The following FBXO41 variants were observed in gnomAD, a reference collection of about 807,000 sequenced individuals.
The protein encoded by FBXO41 is F-box only protein 41.
In FBXO41, 33 loss-of-function variants were observed where a neutral mutation model predicts 81.6. That is an observed-to-expected ratio of 0.40 (90% CI 0.31 to 0.54). FBXO41 has a LOEUF of 0.54. Ranked by LOEUF, FBXO41 falls within the 20% of genes least tolerant of loss-of-function variation. The probability of loss-of-function intolerance (pLI) is 0.39; values close to 1 mark genes in which losing one functional copy is unlikely to be tolerated. For synonymous variants in FBXO41, 576 were observed against 552.7 expected (o/e 1.04, Z -0.59); for missense variants, 1,107 against 1,236.0 (o/e 0.90, Z 1.56).
chr2:73,256,029 T>TA lies in FBXO41; in HGVS notation c.*2952dup, dbSNP rs1193949288. On this transcript the variant is annotated 3_prime_UTR_variant, in exon 13 of 13. Coordinates refer to ENST00000520530, the MANE Select transcript of FBXO41 (RefSeq NM_001371389.2). ...CGGTGCTGTGGGGAAGCAGCCTGAATAAAGCATGAAGTACTTAAGCCAAGT... is the reference window on the plus strand; with the variant it reads ...CGGTGCTGTGGGGAAGCAGCCTGAATAAAAGCATGAAGTACTTAAGCCAAGT... 1 of 152,086 alleles carries TA rather than the reference T, an allele frequency of 6.6e-6. No individual in the cohort carries two copies. Among genetic ancestry groups the TA allele is most frequent in the Non-Finnish European group, 1.5e-5 (1 of 68,034 alleles). 9.4% of individuals were successfully genotyped at this position (152,086 alleles called of 1,614,324 possible). A position where few individuals can be genotyped will look rare whatever the true frequency, so the allele number is the denominator to read the frequency against.
At chr2:73,280,913 T>C (rs1688828339) in intron 1 of FBXO41, among the ~76,000 whole-genome samples, 1 of 152,252 alleles carries the variant, frequency 6.6e-6, no homozygotes, top group African/African-American at 2.4e-5. Flanking sequence ...TGACTTCATG[T>C]AACCAAAGCA....
At chr2:73,282,759 A>C (rs1200673326) in intron 1 of FBXO41, among the ~76,000 whole-genome samples, 1 of 149,778 alleles carries the variant, frequency 6.7e-6, no homozygotes, top group Non-Finnish European at 1.5e-5. Flanking sequence ...GCATTCCTAA[A>C]TCTAGAAACA....
rs1412051012 is a variant in FBXO41, at chr2:73,266,189, TG to T, written c.1132-224del. ...ACACAATACCCTGGACCCCAGCTTG[TG>T]GCTCCTGGACTCTCATTTGCAGGGA... On this transcript the variant is annotated intron_variant, in intron 3 of 12. Coordinates refer to ENST00000520530, the MANE Select transcript of FBXO41 (RefSeq NM_001371389.2). This position sits in a 1 kb window ranked among gnomAD's most constrained non-coding sequence, Gnocchi z 5.3. 6.6e-6 allele frequency among the ~76,000 whole-genome samples: 1 copy of T among 152,132 alleles called. No individual in the cohort carries two copies. The highest frequency in any genetic ancestry group is 1.5e-5 in the Non-Finnish European group (1 of 68,010).
In FBXO41 at chr2:73,259,401, G is replaced by A. The variant is rs1027834249; in HGVS notation, c.2450-105C>T. Reference sequence around the variant, plus strand: ...ATCAGACAATCAGGTGCCAGCTACCGGGAACACGACAGAGGAGAGCAGACT... The same window carrying A: ...ATCAGACAATCAGGTGCCAGCTACCAGGAACACGACAGAGGAGAGCAGACT... On this transcript the variant is annotated intron_variant, in intron 11 of 12. Transcript: ENST00000520530. This position sits in a 1 kb window ranked among gnomAD's most constrained non-coding sequence, Gnocchi z 4.2. 28 of 970,056 alleles carry A rather than the reference G, an allele frequency of 2.9e-5. No homozygotes were observed. Among genetic ancestry groups the A allele is most frequent in the Middle Eastern group, 2.2e-4 (1 of 4,520 alleles). The allele number at this position is 970,056 out of a possible 1,614,324, so 60.1% of individuals were successfully genotyped here. A position where few individuals can be genotyped will look rare whatever the true frequency, so the allele number is the denominator to read the frequency against.
chr2:73,260,452 C>T lies in FBXO41; in HGVS notation c.2386G>A (p.Gly796Arg), dbSNP rs1483594098. ...AAEVCREGLK[G>R]LEMLVLTATP... ...GCCGTGAGCACCAGCATCTCCAGTC[C>T]CTTCAGGCCTTCCCGGCAGACCTCT... The change falls in exon 11 of 13, where the codon GGA (glycine) becomes AGA (arginine). Residue 796 changes from glycine to arginine, a missense_variant. By Grantham distance (125) the Gly-to-Arg change is moderately radical (BLOSUM62 -2). This residue lies in a region of FBXO41 where 336 missense variants were observed against 446.7 expected (regional missense o/e 0.75). Coordinates refer to ENST00000520530, the MANE Select transcript of FBXO41 (RefSeq NM_001371389.2). The surrounding 1 kb of genome is among the most constrained non-coding windows in gnomAD (Gnocchi z 5.0). 1.2e-6 allele frequency: 2 copies of T among 1,608,350 alleles called. No homozygotes were observed. The highest frequency in any genetic ancestry group is 1.7e-6 in the Non-Finnish European group (2 of 1,177,544).
chr2:73,279,682 G>A (rs1199224223), intron 1 of FBXO41, among the ~76,000 whole-genome samples: 1 of 152,168 alleles, frequency 6.6e-6, no homozygotes, highest in Non-Finnish European at 1.5e-5. Context: ...TGTGGGCTGA[G>A]GAGTGAGTGA....
chr2:73,263,824 G>A lies in FBXO41; in HGVS notation c.1929C>T (p.Cys643=). Residue 643 remains cysteine, a synonymous_variant, in exon 8 of 13, where the codon TGC becomes TGT. Transcript: ENST00000520530. ...KEEYARSTRG[C]LEAGLESLLK... ...GCAGGGACTCCAGCCCAGCTTCCAG[G>A]CAGCCCCTGGGGATGACCAAGAGGT... is the stretch of plus-strand genomic sequence containing the variant. 1 of 1,614,012 alleles carries A rather than the reference G, an allele frequency of 6.2e-7. No individual in the cohort carries two copies. Among genetic ancestry groups the A allele is most frequent in the Non-Finnish European group, 8.5e-7 (1 of 1,179,892 alleles).
chr2:73,255,283 GGA>G lies in FBXO41; in HGVS notation c.*3697_*3698del, dbSNP rs1037173094. 2.0e-5 allele frequency: 3 copies of G among 152,714 alleles called. No individual in the cohort carries two copies. Among genetic ancestry groups the G allele is most frequent in the African/African-American group, 7.2e-5 (3 of 41,478 alleles). The allele number at this position is 152,714 out of a possible 1,614,324, so 9.5% of individuals were successfully genotyped here. ...GCTGAGGTCCCAAGGGTTTGGGGAG[GGA>G]GTCGTTGCCTTAGCTGGCCCTGGTA... is the stretch of plus-strand genomic sequence containing the variant. On this transcript the variant is annotated 3_prime_UTR_variant, in exon 13 of 13. Transcript: ENST00000520530.
intron 1 of FBXO41, among the ~76,000 whole-genome samples, chr2:73,276,979 T>C (rs1181040293): frequency 6.6e-6 from 1 of 152,222 alleles, no homozygotes; most frequent in Non-Finnish European, 1.5e-5. Context: ...GTGCTGGTCC[T>C]TCCTGTGGGG....
Position 73,260,750 on chromosome 2 carries a change from C to T in FBXO41, c.2280G>A (p.Leu760=). The T allele has an allele frequency of 2.6e-6, 4 of 1,549,760 alleles. No homozygotes were observed. The highest frequency in any genetic ancestry group is 3.5e-6 in the Non-Finnish European group (4 of 1,145,182). ...CAAGGAAAGACTCACCGAGTGATGC[C>T]AGGCCCTGCACCCCACAGCCGGCAC... ...VGGAGCGVQG[L]ASLARNCMRL... is the part of the protein sequence containing the mutation. Residue 760 remains leucine (L), a synonymous_variant, in exon 10 of 13, where the codon CTG becomes CTA. Coordinates refer to ENST00000520530, the MANE Select transcript of FBXO41 (RefSeq NM_001371389.2). The surrounding 1 kb of genome is among the most constrained non-coding windows in gnomAD (Gnocchi z 5.0).
intron 5 of FBXO41, among the ~76,000 whole-genome samples, chr2:73,265,020 C>G (rs1432546214): frequency 1.3e-5 from 2 of 152,176 alleles, no homozygotes; most frequent in African/African-American, 4.8e-5. Flanking sequence ...AGGCAACACT[C>G]AACTGTTCTC....
In FBXO41 at chr2:73,255,503, A is replaced by C. The variant is rs1323270423; in HGVS notation, c.*3479T>G. On this transcript the variant is annotated 3_prime_UTR_variant, in exon 13 of 13. Coordinates refer to ENST00000520530, the MANE Select transcript of FBXO41 (RefSeq NM_001371389.2). The stretch of plus-strand genomic sequence containing the variant: ...CAGGCCCCCAGGGGAAGGAAGTTAC[A>C]CTCATCAGGGACTGACAGGCTGGGA... The C allele has an allele frequency of 6.6e-6, 1 of 152,648 alleles. No homozygotes were observed. Among genetic ancestry groups the C allele is most frequent in the Admixed American group, 6.5e-5 (1 of 15,274 alleles). 9.5% of individuals were successfully genotyped at this position (152,648 alleles called of 1,614,324 possible).
At chr2:73,283,095 T>C (rs900234185) in intron 1 of FBXO41, among the ~76,000 whole-genome samples, 1 of 152,220 alleles carries the variant, frequency 6.6e-6, no homozygotes, top group East Asian at 1.9e-4. Flanking sequence ...TCGGTACTTT[T>C]AGGAGGCATC....
In FBXO41 at chr2:73,265,616, T is replaced by C. The variant is rs774494443; in HGVS notation, c.1230A>G (p.Ala410=). The C allele has an allele frequency of 2.6e-6, 4 of 1,521,176 alleles. No homozygotes were observed. Among genetic ancestry groups the C allele is most frequent in the Non-Finnish European group, 3.5e-6 (4 of 1,135,892 alleles). The allele number at this position is 1,521,176 out of a possible 1,614,324, so 94.2% of individuals were successfully genotyped here. ...TGTCATAGCAGCCTGAGCTCTGGGATGCGGCTGGCACACGGCTGGAGGCCC... is the reference window on the plus strand; with the variant it reads ...TGTCATAGCAGCCTGAGCTCTGGGACGCGGCTGGCACACGGCTGGAGGCCC... ...STGASSRVPA[A]SQSSGCYDSD... The change falls in exon 5 of 13, where the codon GCA becomes GCG. Residue 410 remains alanine (A), a synonymous_variant. Transcript: ENST00000520530.
rs532715437 is a variant in FBXO41 at position 73,271,238 on chromosome 2, C to G, written c.-138-1470G>C. The G allele has an allele frequency of 2.7e-5, 8 of 291,578 alleles. No homozygotes were observed. In the East Asian group the frequency reaches 7.4e-4, roughly 27 times the overall value. The allele number at this position is 291,578 out of a possible 1,614,324, so 18.1% of individuals were successfully genotyped here. On this transcript the variant is annotated intron_variant, in intron 1 of 12. Coordinates refer to ENST00000520530, the MANE Select transcript of FBXO41 (RefSeq NM_001371389.2). ...GTGGATGTCTGTTCCTTTTGCCAGC[C>G]CAGCATCCAGTCCTCCTCCTGGTAA...
rs149687794 is a variant in FBXO41 at position 73,270,828 on chromosome 2, TC to T, written c.-138-1061del. 7 of 534,422 alleles carry T rather than the reference TC, an allele frequency of 1.3e-5. No individual in the cohort carries two copies. In the East Asian group the frequency reaches 3.8e-4, roughly 29 times the overall value. The allele number at this position is 534,422 out of a possible 1,614,324, so 33.1% of individuals were successfully genotyped here. A position where few individuals can be genotyped will look rare whatever the true frequency, so the allele number is the denominator to read the frequency against. On this transcript the variant is annotated intron_variant, in intron 1 of 12. Transcript: ENST00000520530. ...GTCTCCATCCCATTCCTCACTGCCA[TC>T]CTCTTCCTAACTGCCTGCAATAGGG...
chr2:73,265,980 G>T lies in FBXO41; in HGVS notation c.1132-14C>A. 6.4e-7 allele frequency: 1 copy of T among 1,564,338 alleles called. No individual in the cohort carries two copies. The highest frequency in any genetic ancestry group is 8.7e-7 in the Non-Finnish European group (1 of 1,153,130). ...GTGGTGTTCTCGCTGTGGGCCCCCA[G>T]AGCAGGAGGTAAAGGAGAGGGGCGG... is the stretch of plus-strand genomic sequence containing the variant. On this transcript the variant is annotated splice_polypyrimidine_tract_variant and intron_variant, in intron 3 of 12. Transcript: ENST00000520530.
At chr2:73,261,477 ACT>A (rs1334679994) in intron 9 of FBXO41, among the ~76,000 whole-genome samples, 1 of 151,768 alleles carries the variant, frequency 6.6e-6, no homozygotes, top group Non-Finnish European at 1.5e-5. Context: ...ACATCCACTC[ACT>A]CTGCCATTCA....
In FBXO41 at chr2:73,266,806, C is replaced by T; in HGVS notation, c.906-124G>A. 1 of 1,388,432 alleles carries T rather than the reference C, an allele frequency of 7.2e-7. No individual in the cohort carries two copies. Among genetic ancestry groups the T allele is most frequent in the Non-Finnish European group, 9.3e-7 (1 of 1,073,268 alleles). 86.0% of individuals were successfully genotyped at this position (1,388,432 alleles called of 1,614,324 possible). A position where few individuals can be genotyped will look rare whatever the true frequency, so the allele number is the denominator to read the frequency against. On this transcript the variant is annotated intron_variant, in intron 2 of 12. Coordinates refer to ENST00000520530, the MANE Select transcript of FBXO41 (RefSeq NM_001371389.2). This position sits in a 1 kb window ranked among gnomAD's most constrained non-coding sequence, Gnocchi z 5.3. ...TGCCTGCGGTGTCTGCTTATGGTCA[C>T]ATGGGTTCCTGCAGAACAGGCCTAG...
Sources: allele counts gnomAD v4.1 joint callset (sites outside exome capture counted in the v4.1 genomes callset), GRCh38; gene constraint gnomAD v4.1.1; regional missense constraint gnomAD v4.1.1; non-coding constraint Gnocchi (gnomAD v3.1); transcripts MANE v1.5; gene names NCBI Gene and HGNC (gene_info 2026-07-23, HGNC 2026-07-21).